Variants in TCHP observed in about 807,000 individuals in gnomAD.
TCHP encodes trichoplein keratin filament binding.
TCHP carries 81 observed loss-of-function variants against 88.7 expected under a neutral mutation model. The ratio of observed to expected loss-of-function variants is 0.91; its 90% CI spans 0.76 to 1.10. TCHP has a LOEUF of 1.10. Among genes scored for constraint, TCHP ranks in the 50% least tolerant of loss-of-function variants. TCHP has a pLI of 0.00. For synonymous variants in TCHP, 232 were observed against 232.5 expected (o/e 1.00, Z 0.02); for missense variants, 641 against 632.1 (o/e 1.01, Z -0.15).
rs1411776718 is a variant in TCHP at position 109,903,255 on chromosome 12, C to T, written c.188+41C>T. 3 of 1,569,224 alleles carry T rather than the reference C, an allele frequency of 1.9e-6. No homozygotes were observed. The highest frequency in any genetic ancestry group is 4.6e-5 in the East Asian group (2 of 43,740). ...CTGCCGATTGGATGGAAGTGGGGAC[C>T]ACTTGCTGGTCAGGGGATGAGGCCT... On this transcript the variant is annotated intron_variant, in intron 2 of 12. Transcript: ENST00000405876. The surrounding 1 kb of genome is among the most constrained non-coding windows in gnomAD (Gnocchi z 4.6).
intron 3 of TCHP, 124 bp downstream of exon 3, chr12:109,904,271 G>T: frequency 1.2e-6 from 1 of 839,032 alleles, no homozygotes. Flanking sequence ...TCCAGAGCCA[G>T]CAGGAAAAGA....
At chr12:109,890,674 T>C in the TCHP span, among the ~76,000 whole-genome samples, 4 of 152,188 alleles carry the variant, frequency 2.6e-5, no homozygotes, top group African/African-American at 7.2e-5. Context: ...GACGCCCAGC[T>C]AATTTTTGTA....
upstream of TCHP, among the ~76,000 whole-genome samples, chr12:109,895,478 C>G (rs961584885): frequency 2.0e-5 from 3 of 151,570 alleles, no homozygotes; most frequent in Admixed American, 1.3e-4. Context: ...GCCTCCCAAA[C>G]AAAGTGTTGG....
chr12:109,896,586 A>T (rs1869563178), upstream of TCHP, among the ~76,000 whole-genome samples: 1 of 152,078 alleles, frequency 6.6e-6, no homozygotes, highest in African/African-American at 2.4e-5. Flanking sequence ...AGAAGAAAGT[A>T]CTCAAAATAG....
chr12:109,910,953 A>G (rs998019787), intron 8 of TCHP, 110 bp from the exon 9 acceptor site: 8 of 1,391,684 alleles, frequency 5.7e-6, no homozygotes, highest in African/African-American at 1.5e-5. Flanking sequence ...CACTGTGTAG[A>G]ATCACGAATG....
chr12:109,894,716 G>A, the TCHP span, among the ~76,000 whole-genome samples: 1 of 135,694 alleles, frequency 7.4e-6, no homozygotes, highest in Admixed American at 8.2e-5. Flanking sequence ...AGTGAGCCAA[G>A]ATCGCGCCAT....
the TCHP span, among the ~76,000 whole-genome samples, chr12:109,881,582 G>C: frequency 2.0e-5 from 3 of 152,170 alleles, no homozygotes; most frequent in Non-Finnish European, 4.4e-5. Context: ...TGGACTTTTC[G>C]TTCTCAGTAA....
At chr12:109,915,372 T>G in intron 11 of TCHP, 31 bp from the exon 12 acceptor site, 1 of 1,613,988 alleles carries the variant, frequency 6.2e-7, no homozygotes. Flanking sequence ...GGGCCTTGTC[T>G]TGGGGTGGTG....
chr12:109,908,672 A>G lies in TCHP; in HGVS notation c.786A>G (p.Glu262=), dbSNP rs1870295960. The change falls in exon 7 of 13, where the codon GAA becomes GAG. Residue 262 remains glutamate (E), a synonymous_variant. Transcript: ENST00000405876. The part of the protein sequence containing the change: ...ERLEEERKQM[E]AFRQKAELGR... ...TGGAGGAAGAGCGAAAGCAGATGGA[A>G]GCCTTCCGGCAGAAGGCAGAGCTGG... The G allele has an allele frequency of 6.3e-7, 1 of 1,598,426 alleles. No homozygotes were observed. Among genetic ancestry groups the G allele is most frequent in the South Asian group, 1.1e-5 (1 of 88,000 alleles).
chr12:109,904,615 G>C (rs1870016459), intron 3 of TCHP, 122 bp from the exon 4 acceptor site: 2 of 762,122 alleles, frequency 2.6e-6, no homozygotes, highest in Non-Finnish European at 4.4e-6. Flanking sequence ...TTGAACAGTG[G>C]TTGCAGTGAC....
intron 5 of TCHP, among the ~76,000 whole-genome samples, chr12:109,907,006 C>T (rs1404340915): frequency 6.6e-6 from 1 of 152,192 alleles, no homozygotes; most frequent in Admixed American, 6.5e-5. Context: ...CCTCCTAACT[C>T]AGCCTCCCGA....
At chr12:109,882,004 G>T in the TCHP span, among the ~76,000 whole-genome samples, 1 of 151,770 alleles carries the variant, frequency 6.6e-6, no homozygotes, top group Non-Finnish European at 1.5e-5. Context: ...CCCTTGTGGA[G>T]CTGACAATCT....
At chr12:109,887,411 AAAAAAAAAAAAC>A in the TCHP span, among the ~76,000 whole-genome samples, 18 of 150,098 alleles carry the variant, frequency 1.2e-4, no homozygotes, top group South Asian at 1.0e-3. Flanking sequence ...CTCTGTCTCA[AAAAAAAAAAAAC>A]AAAAAAAAAA....
At chr12:109,910,895 AGTCT>A (rs1230019518) in intron 8 of TCHP, among the ~76,000 whole-genome samples, 164 bp from the exon 9 acceptor site, 2 of 152,182 alleles carry the variant, frequency 1.3e-5, no homozygotes, top group Non-Finnish European at 2.9e-5. Flanking sequence ...GATTATCCCC[AGTCT>A]GTTCCAGAAA....
At chr12:109,901,649 T>G (rs1292676647) in intron 1 of TCHP, among the ~76,000 whole-genome samples, 1 of 152,236 alleles carries the variant, frequency 6.6e-6, no homozygotes, top group East Asian at 1.9e-4. Flanking sequence ...TATGAAAGAT[T>G]TAGAGCCCCT....
intron 8 of TCHP, among the ~76,000 whole-genome samples, chr12:109,909,926 T>C (rs140868449): frequency 6.6e-6 from 1 of 152,098 alleles, no homozygotes; most frequent in African/African-American, 2.4e-5. Context: ...GATCAAGCCG[T>C]TGCACTCAAG....
At chr12:109,914,344 G>A (rs563299621) in intron 10 of TCHP, 98 bp from the exon 11 acceptor site, 1 of 1,134,316 alleles carries the variant, frequency 8.8e-7, no homozygotes, top group South Asian at 1.5e-5. Context: ...CAAGGATGAG[G>A]CTGGGCCTTG....
At chr12:109,907,390 G>C in intron 5 of TCHP, 136 bp from the exon 6 acceptor site, 1 of 834,416 alleles carries the variant, frequency 1.2e-6, no homozygotes, top group Non-Finnish European at 1.9e-6. Flanking sequence ...CCCTGACTTG[G>C]CGTCTGAGGG....
At chr12:109,912,968 T>C (rs758757407) in intron 9 of TCHP, 23 bp from the exon 10 acceptor site, 4 of 1,611,540 alleles carry the variant, frequency 2.5e-6, no homozygotes, top group Non-Finnish European at 3.4e-6. Context: ...GAGCCTGCTG[T>C]CATCCCTTTT....
Sources: allele counts gnomAD v4.1 joint callset (sites outside exome capture counted in the v4.1 genomes callset), GRCh38; gene constraint gnomAD v4.1.1; non-coding constraint Gnocchi (gnomAD v3.1); transcripts MANE v1.5; gene names NCBI Gene and HGNC (gene_info 2026-07-23, HGNC 2026-07-21).